Variants in DIP2B observed in about 807,000 individuals in gnomAD.
The protein encoded by DIP2B is DIP2 acetate--CoA ligase B (putative), also known as disco-interacting protein 2 homolog B.
A neutral mutation model predicts 198.0 loss-of-function variants in DIP2B; 76 were observed. The observed-to-expected ratio is 0.38, with a 90% CI of 0.32 to 0.46. The LOEUF (loss-of-function observed/expected upper bound fraction) is 0.46, where lower values mean the gene tolerates loss of function less well. Ranked by LOEUF, DIP2B falls within the 20% of genes least tolerant of loss-of-function variation. The pLI is 0.99. For missense variants in DIP2B, 1,559 were observed against 1,978.4 expected, an observed-to-expected ratio of 0.79 and a Z score of 4.02; for synonymous variants, 701 against 739.1, an observed-to-expected ratio of 0.95 and a Z score of 0.84.
intron 8 of DIP2B, 74 bp from the exon 9 acceptor site, chr12:50,680,598 C>T (rs1335175888): frequency 2.2e-6 from 3 of 1,369,262 alleles, no homozygotes; most frequent in Non-Finnish European, 2.1e-6. Flanking sequence ...CACTGATGAT[C>T]TGAATGTTCT....
In DIP2B at chr12:50,721,395, T is replaced by A. The variant is rs1246980256; in HGVS notation, c.3165T>A (p.Pro1055=). 1 of 1,613,996 alleles carries A rather than the reference T, an allele frequency of 6.2e-7. No individual in the cohort carries two copies. Among genetic ancestry groups the A allele is most frequent in the Non-Finnish European group, 8.5e-7 (1 of 1,179,926 alleles). Residue 1055 remains proline (P), a splice_region_variant and synonymous_variant, in exon 26 of 38, where the codon CCT becomes CCA. Transcript: ENST00000301180. The part of the protein sequence containing the change: ...AGDNVVLLYP[P]GIELIAAFYG... The stretch of plus-strand genomic sequence containing the variant: ...ATAATGTGGTGTTGCTCTATCCACC[T>A]GGTAAGCATTGGATTGGCAGACTAG...
intron 1 of DIP2B, among the ~76,000 whole-genome samples, chr12:50,551,495 G>A (rs79631532): frequency 0.011 from 1,715 of 152,226 alleles, 28 homozygotes; most frequent in South Asian, 0.055. Context: ...CCGGGCTGGC[G>A]TGCAGTAGCA....
At chr12:50,555,234 G>A (rs1389188280) in intron 1 of DIP2B, among the ~76,000 whole-genome samples, 1 of 152,182 alleles carries the variant, frequency 6.6e-6, no homozygotes, top group African/African-American at 2.4e-5. Context: ...TGGAAGAGGA[G>A]AGAGGATCTA....
At chr12:50,619,523 C>T (rs958370370) in intron 1 of DIP2B, among the ~76,000 whole-genome samples, 2 of 152,182 alleles carry the variant, frequency 1.3e-5, no homozygotes, top group Non-Finnish European at 1.5e-5. Context: ...GTGATGCTTC[C>T]TTCTGGGTTC....
At chr12:50,538,873 C>T (rs1958293661) in intron 1 of DIP2B, among the ~76,000 whole-genome samples, 1 of 152,142 alleles carries the variant, frequency 6.6e-6, no homozygotes, top group Non-Finnish European at 1.5e-5. Context: ...ATGGCCCAAT[C>T]ATCAAGATCT....
chr12:50,625,361 G>A (rs750022449), intron 1 of DIP2B, among the ~76,000 whole-genome samples: 2 of 152,108 alleles, frequency 1.3e-5, no homozygotes, highest in East Asian at 3.9e-4. Flanking sequence ...TGTTGTATAT[G>A]CACTAATTTG....
chr12:50,619,951 C>A (rs193038768), intron 1 of DIP2B, among the ~76,000 whole-genome samples: 70 of 152,246 alleles, frequency 4.6e-4, no homozygotes, highest in African/African-American at 1.6e-3. Flanking sequence ...GTCCCAGATA[C>A]TCAGGAGGCT....
chr12:50,657,842 A>C (rs1938580550), intron 3 of DIP2B, among the ~76,000 whole-genome samples: 1 of 152,180 alleles, frequency 6.6e-6, no homozygotes. Flanking sequence ...AGGACAACTA[A>C]GTAGGATTTC....
chr12:50,720,370 A>T (rs901315972), intron 25 of DIP2B, among the ~76,000 whole-genome samples: 2 of 151,520 alleles, frequency 1.3e-5, no homozygotes, highest in African/African-American at 4.9e-5. Context: ...TGCCTATTGG[A>T]TCTCTTAGGG....
At chr12:50,628,991 G>A (rs1296753566) in intron 2 of DIP2B, among the ~76,000 whole-genome samples, 2 of 152,008 alleles carry the variant, frequency 1.3e-5, no homozygotes, top group East Asian at 1.9e-4. Flanking sequence ...TGATCCTCCC[G>A]CCTCACCCTC....
chr12:50,545,781 G>A (rs993675168), intron 1 of DIP2B, among the ~76,000 whole-genome samples: 11 of 151,078 alleles, frequency 7.3e-5, no homozygotes, highest in African/African-American at 2.4e-4. Context: ...GATTACAGGC[G>A]TGTGCCACCG....
chr12:50,726,861 C>T (rs974415916), intron 28 of DIP2B, among the ~76,000 whole-genome samples: 1 of 152,024 alleles, frequency 6.6e-6, no homozygotes, highest in African/African-American at 2.4e-5. Context: ...GGTTGTAATG[C>T]CAGCACTCTG....
At chr12:50,634,620 C>T (rs759591321) in intron 2 of DIP2B, among the ~76,000 whole-genome samples, 1 of 152,196 alleles carries the variant, frequency 6.6e-6, no homozygotes, top group Non-Finnish European at 1.5e-5. Context: ...GAGAGGCCCT[C>T]CTTGACCAGC....
chr12:50,707,897 T>C (rs1006126330), intron 21 of DIP2B, among the ~76,000 whole-genome samples: 2 of 152,090 alleles, frequency 1.3e-5, no homozygotes, highest in Non-Finnish European at 2.9e-5. Context: ...GGTCTCTGCT[T>C]CACCACTTTG....
chr12:50,565,452 C>T (rs1201920589), intron 1 of DIP2B, among the ~76,000 whole-genome samples: 3 of 152,228 alleles, frequency 2.0e-5, no homozygotes, highest in East Asian at 1.9e-4. Context: ...CCCGCCACCA[C>T]GCCCGGCTAA....
chr12:50,638,961 A>T (rs1228610518), intron 2 of DIP2B, among the ~76,000 whole-genome samples: 3 of 152,102 alleles, frequency 2.0e-5, no homozygotes, highest in Non-Finnish European at 4.4e-5. Flanking sequence ...TCCTGTGAGC[A>T]TTAGACAGGA....
intron 17 of DIP2B, among the ~76,000 whole-genome samples, chr12:50,697,702 A>T (rs984886233): frequency 7.9e-5 from 12 of 151,188 alleles, no homozygotes; most frequent in African/African-American, 2.7e-4. Context: ...GCTAATTTTT[A>T]AATTTTTTTG....
intron 1 of DIP2B, among the ~76,000 whole-genome samples, chr12:50,534,810 C>T (rs1958249438): frequency 6.6e-6 from 1 of 152,194 alleles, no homozygotes; most frequent in Non-Finnish European, 1.5e-5. Context: ...TTTAACCTCT[C>T]CTATCCTTTG....
At chr12:50,597,880 C>T (rs1958891954) in intron 1 of DIP2B, among the ~76,000 whole-genome samples, 1 of 152,092 alleles carries the variant, frequency 6.6e-6, no homozygotes, top group South Asian at 2.1e-4. Flanking sequence ...CAGTCAAGTT[C>T]TTTTGATAGT....
Sources: allele counts gnomAD v4.1 joint callset (sites outside exome capture counted in the v4.1 genomes callset), GRCh38; gene constraint gnomAD v4.1.1; transcripts MANE v1.5; gene names NCBI Gene and HGNC (gene_info 2026-07-23, HGNC 2026-07-21).